The following TMPRSS3 variants were observed in gnomAD, a reference collection of about 807,000 sequenced individuals.
TMPRSS3 encodes transmembrane serine protease 3, also known as transmembrane protease serine 3.
A neutral mutation model predicts 59.6 loss-of-function variants in TMPRSS3; 55 were observed. The ratio of observed to expected loss-of-function variants is 0.92; its 90% CI spans 0.74 to 1.16. TMPRSS3 has a LOEUF of 1.16. Ranked by LOEUF, TMPRSS3 falls within the 50% of genes most tolerant of loss-of-function variation. The pLI, the probability that TMPRSS3 is intolerant of heterozygous loss-of-function variation, is 0.00. For missense variants in TMPRSS3, 596 were observed against 579.4 expected (o/e 1.03, Z -0.29); for synonymous variants, 257 against 237.7 (o/e 1.08, Z -0.75).
intron 10 of TMPRSS3, among the ~76,000 whole-genome samples, chr21:42,378,293 G>C (rs1032877466): frequency 6.6e-6 from 1 of 152,226 alleles, no homozygotes; most frequent in African/African-American, 2.4e-5. Context: ...GCTGGGGGTG[G>C]GCTCAAGTAA....
At chr21:42,381,709 C>A (rs1297490397) in intron 9 of TMPRSS3, among the ~76,000 whole-genome samples, 1 of 152,176 alleles carries the variant, frequency 6.6e-6, no homozygotes, top group Non-Finnish European at 1.5e-5. Context: ...GAACTACAGC[C>A]CACCAATCTA....
At chr21:42,394,240 T>A (rs1181821151) in intron 2 of TMPRSS3, among the ~76,000 whole-genome samples, 1 of 152,026 alleles carries the variant, frequency 6.6e-6, no homozygotes, top group Non-Finnish European at 1.5e-5. Flanking sequence ...AATATTCATA[T>A]TATTTATATT....
rs1330453938 is a variant in TMPRSS3 at position 42,388,852 on chromosome 21, A to C, written c.322+77T>G. ...CTAAAAATGGCAATGACTTGGACCC[A>C]TTTTACAGATGGGAAGGGTCAGGGT... On this transcript the variant is annotated intron_variant, in intron 4 of 12. Transcript: ENST00000644384. This position sits in a 1 kb window ranked among gnomAD's most constrained non-coding sequence, Gnocchi z 5.1. 1.5e-5 allele frequency: 20 copies of C among 1,290,690 alleles called. No homozygotes were observed. Among genetic ancestry groups the C allele is most frequent in the Non-Finnish European group, 2.1e-5 (19 of 886,600 alleles). The allele number at this position is 1,290,690 out of a possible 1,614,324, so 80.0% of individuals were successfully genotyped here. A position where few individuals can be genotyped will look rare whatever the true frequency, so the allele number is the denominator to read the frequency against.
intron 10 of TMPRSS3, 57 bp from the exon 11 acceptor site, chr21:42,376,740 G>A (rs985620612): frequency 1.4e-5 from 23 of 1,612,276 alleles, no homozygotes; most frequent in Non-Finnish European, 1.9e-5. Flanking sequence ...CCAAAACACA[G>A]AAGGCGCATG....
Position 42,383,088 on chromosome 21 carries a change from C to T in TMPRSS3, c.727G>A (p.Gly243Arg), listed in dbSNP as rs372526764. Reference sequence around the variant, plus strand: ...CACAGGGGCGTGATGACAGAGCCCCCGCACAGGTGGTAGCCCTGGAACTGA... The same window carrying T: ...CACAGGGGCGTGATGACAGAGCCCCTGCACAGGTGGTAGCCCTGGAACTGA... ...SLQFQGYHLC[G>R]GSVITPLWII... Residue 243 changes from glycine (G) to arginine (R), a missense_variant, in exon 8 of 13, where the codon GGG (glycine) becomes AGG (arginine). Transcript: ENST00000644384. 2.2e-5 allele frequency: 35 copies of T among 1,614,160 alleles called. No homozygotes were observed. The highest frequency in any genetic ancestry group is 1.4e-4 in the South Asian group (13 of 91,082).
intron 2 of TMPRSS3, among the ~76,000 whole-genome samples, chr21:42,392,395 A>G (rs2052744871): frequency 6.6e-6 from 1 of 152,220 alleles, no homozygotes; most frequent in African/African-American, 2.4e-5. Flanking sequence ...TAGAAGCTGC[A>G]CTTCGCAGAT....
intron 6 of TMPRSS3, 106 bp downstream of exon 6, chr21:42,385,303 A>G (rs1004492928): frequency 2.0e-6 from 3 of 1,512,858 alleles, no homozygotes; most frequent in African/African-American, 2.7e-5. Flanking sequence ...TCCATCTGAG[A>G]TAACACATGC....
rs914465670 is a variant in TMPRSS3 at position 42,389,857 on chromosome 21, G to A, written c.205+70C>T. The A allele has an allele frequency of 3.4e-6, 4 of 1,164,356 alleles. No homozygotes were observed. In the African/African-American group the frequency reaches 4.5e-5, roughly 13 times the overall value. The allele number at this position is 1,164,356 out of a possible 1,614,324, so 72.1% of individuals were successfully genotyped here. A position where few individuals can be genotyped will look rare whatever the true frequency, so the allele number is the denominator to read the frequency against. ...CAGCAGCAAAATGCTGGGATGAGAG[G>A]GGGCGCTCATGAAAGTTTAACTACT... On this transcript the variant is annotated intron_variant, in intron 3 of 12. Transcript: ENST00000644384.
chr21:42,389,707 G>A (rs1236668504), intron 3 of TMPRSS3, among the ~76,000 whole-genome samples: 1 of 152,216 alleles, frequency 6.6e-6, no homozygotes, highest in Non-Finnish European at 1.5e-5. Flanking sequence ...GTTCCTTGGT[G>A]ACAAAGCCAT....
chr21:42,380,338 G>A, intron 9 of TMPRSS3, 126 bp from the exon 10 acceptor site: 1 of 799,604 alleles, frequency 1.3e-6, no homozygotes, highest in Non-Finnish European at 2.1e-6. Context: ...CAAGCCCTTG[G>A]TTACTTGAAA....
At chr21:42,372,825 A>G (rs754559698) in intron 12 of TMPRSS3, 46 bp from the exon 13 acceptor site, 4 of 1,612,510 alleles carry the variant, frequency 2.5e-6, no homozygotes, top group South Asian at 1.1e-5. Flanking sequence ...ACTTCCAGCC[A>G]TCCGTCCAAC....
chr21:42,386,771 C>A (rs1417540358), intron 5 of TMPRSS3, among the ~76,000 whole-genome samples: 3 of 137,522 alleles, frequency 2.2e-5, no homozygotes, highest in Admixed American at 7.3e-5. Context: ...GCTTGACCGT[C>A]CTTTGGTTAT....
intron 12 of TMPRSS3, 92 bp from the exon 13 acceptor site, chr21:42,372,871 G>T: frequency 6.9e-7 from 1 of 1,456,532 alleles, no homozygotes; most frequent in Non-Finnish European, 9.6e-7. Context: ...TTTGCCCTGT[G>T]GGAATTGTGG....
intron 5 of TMPRSS3, among the ~76,000 whole-genome samples, chr21:42,387,608 T>C (rs892384378): frequency 2.6e-5 from 4 of 152,054 alleles, no homozygotes; most frequent in African/African-American, 7.2e-5. Flanking sequence ...ATATGATTCA[T>C]GGAATTTGAA....
intron 2 of TMPRSS3, among the ~76,000 whole-genome samples, chr21:42,394,276 T>A (rs1227714194): frequency 6.6e-6 from 1 of 152,052 alleles, no homozygotes; most frequent in Non-Finnish European, 1.5e-5. Flanking sequence ...CAACTATAGG[T>A]CAAACTATGA....
At chr21:42,390,235 C>G (rs536939516) in intron 2 of TMPRSS3, 198 bp from the exon 3 acceptor site, 45 of 601,934 alleles carry the variant, frequency 7.5e-5, no homozygotes, top group Admixed American at 1.5e-4. Context: ...CCACCTCTGA[C>G]CCGGTTATTC....
intron 9 of TMPRSS3, 62 bp downstream of exon 9, chr21:42,382,003 C>T: frequency 1.9e-6 from 3 of 1,600,936 alleles, no homozygotes; most frequent in South Asian, 2.2e-5. Context: ...CTTCAATGAG[C>T]AATTGCAAAT....
In TMPRSS3 at chr21:42,388,631, T is replaced by C; in HGVS notation, c.323-105A>G. ...GCTCAAACCCCTCCTCTGCCAAATC[T>C]GACCCACTTCTTGTCCACGGCAGCC... On this transcript the variant is annotated intron_variant, in intron 4 of 12. Transcript: ENST00000644384. This position sits in a 1 kb window ranked among gnomAD's most constrained non-coding sequence, Gnocchi z 5.1. 6.5e-7 allele frequency: 1 copy of C among 1,547,588 alleles called. No homozygotes were observed. Among genetic ancestry groups the C allele is most frequent in the Admixed American group, 1.7e-5 (1 of 59,694 alleles).
rs758781019 is a variant in TMPRSS3 at position 42,395,937 on chromosome 21, C to T, written c.-52+5G>A. The T allele has an allele frequency of 3.9e-6, 2 of 518,922 alleles. No homozygotes were observed. The highest frequency in any genetic ancestry group is 7.7e-6 in the Non-Finnish European group (2 of 259,834). The allele number at this position is 518,922 out of a possible 1,614,324, so 32.1% of individuals were successfully genotyped here. The stretch of plus-strand genomic sequence containing the variant: ...ACCATAAGCATAAGTAGTTTCGGTA[C>T]TCACATAATTCCCGAGTCCCAAAAA... On this transcript the variant is annotated splice_donor_5th_base_variant and intron_variant, in intron 1 of 12. Transcript: ENST00000644384.
Sources: gnomAD v4.1 joint callset for allele counts (sites outside exome capture counted in the v4.1 genomes callset) on GRCh38, gnomAD v4.1.1 for gene constraint, Gnocchi (gnomAD v3.1) non-coding constraint, MANE v1.5 for transcripts, NCBI Gene and HGNC (gene_info 2026-07-23, HGNC 2026-07-21) for gene names.